Variants in LRRTM4 observed in about 807,000 individuals in gnomAD.
The protein encoded by LRRTM4 is leucine-rich repeat transmembrane neuronal protein 4.
A neutral mutation model predicts 47.6 loss-of-function variants in LRRTM4; 25 were observed. That is an observed-to-expected ratio of 0.53 (90% confidence interval 0.38 to 0.73). The LOEUF (loss-of-function observed/expected upper bound fraction) is 0.73, where lower values mean the gene tolerates loss of function less well. Ranked by LOEUF, LRRTM4 falls within the 30% of genes least tolerant of loss-of-function variation. LRRTM4 has a pLI of 0.00. For missense variants in LRRTM4, 638 were observed against 713.4 expected (o/e 0.89, Z 1.20); for synonymous variants, 311 against 269.5 (o/e 1.15, Z -1.51).
intron 3 of LRRTM4, among the ~76,000 whole-genome samples, chr2:77,354,290 A>G (rs1270015287): frequency 6.6e-6 from 1 of 152,190 alleles, no homozygotes; most frequent in African/African-American, 2.4e-5. Flanking sequence ...AAATAAAGCT[A>G]TAAAAGAGCT....
chr2:76,830,661 T>G (rs1039443889), intron 3 of LRRTM4, among the ~76,000 whole-genome samples: 1 of 151,930 alleles, frequency 6.6e-6, no homozygotes, highest in Non-Finnish European at 1.5e-5. Flanking sequence ...AGTCTTTGTC[T>G]CAAAATTTTA....
intron 3 of LRRTM4, among the ~76,000 whole-genome samples, chr2:77,455,512 C>T (rs969453623): frequency 1.3e-5 from 2 of 152,090 alleles, no homozygotes; most frequent in Non-Finnish European, 2.9e-5. Flanking sequence ...CAACATACCA[C>T]ACACTTCCAG....
At chr2:76,918,664 C>G (rs1036826244) in intron 3 of LRRTM4, among the ~76,000 whole-genome samples, 3 of 152,088 alleles carry the variant, frequency 2.0e-5, no homozygotes, top group Admixed American at 6.5e-5. Context: ...TAGTTAACAG[C>G]CATTTTCTTT....
At chr2:76,915,702 A>G (rs951440780) in intron 3 of LRRTM4, among the ~76,000 whole-genome samples, 7 of 152,230 alleles carry the variant, frequency 4.6e-5, no homozygotes, top group East Asian at 1.9e-4. Context: ...CTAGTTAAGA[A>G]AAGTATTCTC....
intron 3 of LRRTM4, among the ~76,000 whole-genome samples, chr2:77,128,142 C>CAAA (rs112254712): frequency 0.014 from 1,959 of 142,930 alleles, 18 homozygotes; most frequent in Non-Finnish European, 0.02. Flanking sequence ...GACTCTGTCT[C>CAAA]AAAAAAAAAA....
At chr2:77,107,586 A>C (rs1213654801) in intron 3 of LRRTM4, among the ~76,000 whole-genome samples, 1 of 152,160 alleles carries the variant, frequency 6.6e-6, no homozygotes, top group East Asian at 1.9e-4. Flanking sequence ...CGGGAGGCCG[A>C]GGTGGGTGGA....
chr2:76,819,282 C>T (rs1185364392), intron 3 of LRRTM4, among the ~76,000 whole-genome samples: 1 of 151,644 alleles, frequency 6.6e-6, no homozygotes, highest in Non-Finnish European at 1.5e-5. Context: ...ATATTTTTCT[C>T]ATTATACAGA....
chr2:77,114,233 G>GACCA (rs1007851105), intron 3 of LRRTM4, among the ~76,000 whole-genome samples: 9 of 152,080 alleles, frequency 5.9e-5, no homozygotes, highest in South Asian at 2.1e-4. Flanking sequence ...TCCCTGTAGG[G>GACCA]ACCAGTTCCT....
chr2:77,323,088 G>A (rs1057219392), intron 3 of LRRTM4, among the ~76,000 whole-genome samples: 1 of 151,938 alleles, frequency 6.6e-6, no homozygotes, highest in Non-Finnish European at 1.5e-5. Flanking sequence ...CTCCTGGGGG[G>A]AACCATGATT....
chr2:77,200,604 G>A (rs765450398), intron 3 of LRRTM4, among the ~76,000 whole-genome samples: 3 of 152,200 alleles, frequency 2.0e-5, no homozygotes, highest in Non-Finnish European at 4.4e-5. Context: ...GTGTTGGTAA[G>A]AATCATTTTG....
Position 77,519,257 on chromosome 2 carries a change from G to A in LRRTM4, c.612C>T (p.Leu204=). Residue 204 remains leucine (L), a synonymous_variant, in exon 3 of 4, where the codon CTC becomes CTT. Transcript: ENST00000409884. The surrounding 1 kb of genome is among the most constrained non-coding windows in gnomAD (Gnocchi z 4.6). Reference sequence around the variant, plus strand: ...CCAGGTGGAGCTCCTTTAACTTCAAGAGGCCAGCAAATGCATTTCGGGACA... The same window carrying A: ...CCAGGTGGAGCTCCTTTAACTTCAAAAGGCCAGCAAATGCATTTCGGGACA... ...RSLSRNAFAG[L]LKLKELHLEH... is the part of the protein sequence containing the mutation. The A allele has an allele frequency of 6.2e-7, 1 of 1,613,402 alleles. No individual in the cohort carries two copies. Among genetic ancestry groups the A allele is most frequent in the East Asian group, 2.2e-5 (1 of 44,830 alleles).
chr2:77,227,882 T>C (rs1374637444), intron 3 of LRRTM4, among the ~76,000 whole-genome samples: 1 of 152,120 alleles, frequency 6.6e-6, no homozygotes, highest in African/African-American at 2.4e-5. Context: ...CTTATGCATA[T>C]GTCTACATTA....
intron 3 of LRRTM4, among the ~76,000 whole-genome samples, chr2:76,764,596 A>C (rs1414770264): frequency 1.3e-5 from 2 of 152,006 alleles, no homozygotes; most frequent in African/African-American, 4.8e-5. Flanking sequence ...GAACTACTAC[A>C]CTCCAGCCTG....
At chr2:77,408,372 A>T (rs1674293022) in intron 3 of LRRTM4, among the ~76,000 whole-genome samples, 1 of 152,198 alleles carries the variant, frequency 6.6e-6, no homozygotes, top group African/African-American at 2.4e-5. Flanking sequence ...ATTTATCTAG[A>T]CATAATTTTT....
At chr2:77,474,662 T>C (rs1677318360) in intron 3 of LRRTM4, among the ~76,000 whole-genome samples, 1 of 152,150 alleles carries the variant, frequency 6.6e-6, no homozygotes, top group African/African-American at 2.4e-5. Flanking sequence ...TTAGATTTCT[T>C]CTTTGTACTT....
At chr2:77,217,193 T>C (rs997683585) in intron 3 of LRRTM4, among the ~76,000 whole-genome samples, 1 of 151,504 alleles carries the variant, frequency 6.6e-6, no homozygotes, top group African/African-American at 2.4e-5. Context: ...GTAACTTTGA[T>C]GTACAACTAT....
chr2:76,760,777 T>G (rs1029665796), intron 3 of LRRTM4, among the ~76,000 whole-genome samples: 1 of 152,134 alleles, frequency 6.6e-6, no homozygotes, highest in African/African-American at 2.4e-5. Context: ...AAACTAACCA[T>G]AGGCCTGGGA....
chr2:77,473,489 T>C (rs567246127), intron 3 of LRRTM4, among the ~76,000 whole-genome samples: 43 of 152,100 alleles, frequency 2.8e-4, no homozygotes, highest in African/African-American at 1.0e-3. Flanking sequence ...TCTATTAGCC[T>C]TTTTTTCCCC....
At chr2:77,075,297 T>G (rs1354047429) in intron 3 of LRRTM4, among the ~76,000 whole-genome samples, 1 of 152,208 alleles carries the variant, frequency 6.6e-6, no homozygotes, top group African/African-American at 2.4e-5. Context: ...TTGTAAATGT[T>G]AGGCTTAACC....
Sources: allele counts gnomAD v4.1 joint callset (sites outside exome capture counted in the v4.1 genomes callset), GRCh38; gene constraint gnomAD v4.1.1; non-coding constraint Gnocchi (gnomAD v3.1); transcripts MANE v1.5; gene names NCBI Gene and HGNC (gene_info 2026-07-23, HGNC 2026-07-21).